The following OTUD7A variants were observed in gnomAD, a reference collection of about 807,000 sequenced individuals.
OTUD7A encodes OTU domain-containing protein 7A.
A neutral mutation model predicts 65.7 loss-of-function variants in OTUD7A; 12 were observed. The ratio of observed to expected loss-of-function variants is 0.18; its 90% confidence interval spans 0.12 to 0.30. OTUD7A has a LOEUF of 0.30. OTUD7A is among the 10% of genes least tolerant of loss of function. The pLI, the probability that OTUD7A is intolerant of heterozygous loss-of-function variation, is 1.00. For synonymous variants in OTUD7A, 641 were observed against 586.3 expected (o/e 1.09, Z -1.35); for missense variants, 1,148 against 1,304.8 (o/e 0.88, Z 1.85).
At chr15:31,560,883 C>T (rs1003155647) in intron 4 of OTUD7A, among the ~76,000 whole-genome samples, 1 of 152,210 alleles carries the variant, frequency 6.6e-6, no homozygotes, top group Non-Finnish European at 1.5e-5. Flanking sequence ...CAGCTTTCAC[C>T]CGGAACAGCA....
At chr15:31,501,006 T>C (rs2041458225) in intron 10 of OTUD7A, among the ~76,000 whole-genome samples, 1 of 152,288 alleles carries the variant, frequency 6.6e-6, no homozygotes, top group African/African-American at 2.4e-5. Flanking sequence ...AGACATTGAC[T>C]GGTGCCCTGG....
chr15:31,736,300 C>A (rs2141367476), intron 1 of OTUD7A, among the ~76,000 whole-genome samples: 1 of 152,088 alleles, frequency 6.6e-6, no homozygotes, highest in South Asian at 2.1e-4. Flanking sequence ...TAACTCCACC[C>A]CCCCAAAAAA....
At chr15:31,556,388 T>A (rs1888496126) in intron 5 of OTUD7A, 1 of 152,226 alleles carries the variant, frequency 6.6e-6, no homozygotes, top group Admixed American at 6.5e-5. Flanking sequence ...CTCTTCGTGG[T>A]GCCCAACATA....
chr15:31,482,499 A>G lies in OTUD7A; in HGVS notation c.*795T>C, dbSNP rs2041141042. On this transcript the variant is annotated 3_prime_UTR_variant, in exon 13 of 13. Transcript: ENST00000307050. ...TATCTGCTCCTCTATGAGCAAATCC[A>G]AATTGTGAGATGGGAACCCTGCTTT... 6.6e-6 allele frequency: 1 copy of G among 152,308 alleles called. No individual in the cohort carries two copies. Among genetic ancestry groups the G allele is most frequent in the South Asian group, 2.1e-4 (1 of 4,838 alleles). 9.4% of individuals were successfully genotyped at this position (152,308 alleles called of 1,614,324 possible).
chr15:31,742,187 C>G (rs191244671), intron 1 of OTUD7A, among the ~76,000 whole-genome samples: 16 of 151,986 alleles, frequency 1.1e-4, no homozygotes, highest in Non-Finnish European at 1.6e-4. Flanking sequence ...AGGGTACAAT[C>G]CTAAACTCAG....
intron 1 of OTUD7A, among the ~76,000 whole-genome samples, chr15:31,658,650 A>G (rs1291020510): frequency 6.6e-6 from 1 of 152,162 alleles, no homozygotes; most frequent in African/African-American, 2.4e-5. Context: ...TAGTGGAGGA[A>G]GTGGTCCAAC....
intron 1 of OTUD7A, among the ~76,000 whole-genome samples, chr15:31,688,551 T>C (rs574539687): frequency 1.3e-5 from 2 of 152,156 alleles, no homozygotes; most frequent in Non-Finnish European, 2.9e-5. Flanking sequence ...CTATGATGAA[T>C]ATTTGGGGGA....
chr15:31,748,174 T>G (rs1894530133), intron 1 of OTUD7A, among the ~76,000 whole-genome samples: 1 of 151,764 alleles, frequency 6.6e-6, no homozygotes, highest in African/African-American at 2.4e-5. Flanking sequence ...TAGAATTGTA[T>G]GTGTTAAATT....
Position 31,478,092 on chromosome 15 carries a change from G to A in OTUD7A, c.*5202C>T, listed in dbSNP as rs531141858. ...GACTAGAAACGGCAGGAAGGCCTAC[G>A]TCCCAGGGCAGAGCAGCAGGCAGAA... On this transcript the variant is annotated 3_prime_UTR_variant, in exon 13 of 13. Transcript: ENST00000307050. The A allele has an allele frequency of 1.3e-5, 2 of 152,350 alleles. No homozygotes were observed. Among genetic ancestry groups the A allele is most frequent in the Admixed American group, 6.5e-5 (1 of 15,296 alleles). The allele number at this position is 152,350 out of a possible 1,614,324, so 9.4% of individuals were successfully genotyped here. A position where few individuals can be genotyped will look rare whatever the true frequency, so the allele number is the denominator to read the frequency against.
chr15:31,613,848 T>C (rs972752892), intron 3 of OTUD7A, among the ~76,000 whole-genome samples: 1 of 152,202 alleles, frequency 6.6e-6, no homozygotes, highest in Non-Finnish European at 1.5e-5. Flanking sequence ...CATGCATGTT[T>C]GTGGCTGCAC....
Position 31,592,904 on chromosome 15 carries a change from AATATAT to A in OTUD7A, c.152-22713_152-22708del, listed in dbSNP as rs1226266359. Among the ~76,000 whole-genome samples, 432 of 59,294 alleles carry A rather than the reference AATATAT, an allele frequency of 7.3e-3. 19 individuals are homozygous for A. The highest frequency in any genetic ancestry group is 0.038 in the Middle Eastern group (2 of 52). The allele number at this position is 59,294 out of a possible 152,430, so 38.9% of individuals were successfully genotyped here. ...CAAAAAAAAAAAAAAAAAAAAAAAA[AATATAT>A]ATATATATATATATATATATATATA... On this transcript the variant is annotated intron_variant, in intron 3 of 12. Transcript: ENST00000307050.
intron 1 of OTUD7A, among the ~76,000 whole-genome samples, chr15:31,725,535 T>C (rs1893860932): frequency 6.6e-6 from 1 of 152,182 alleles, no homozygotes; most frequent in Non-Finnish European, 1.5e-5. Context: ...CCTTTGATAT[T>C]TGTGTAGCAA....
intron 3 of OTUD7A, among the ~76,000 whole-genome samples, chr15:31,602,761 G>C (rs1890118642): frequency 6.6e-6 from 1 of 152,038 alleles, no homozygotes; most frequent in East Asian, 1.9e-4. Context: ...CGAAATCTCG[G>C]GATACAAAAT....
Position 31,478,363 on chromosome 15 carries a change from T to C in OTUD7A, c.*4931A>G, listed in dbSNP as rs2041057520. ...AACAAATTATGTATATATATATCCT[T>C]GATATGCTCTTTGGGAGGAATAAAA... On this transcript the variant is annotated 3_prime_UTR_variant, in exon 13 of 13. Coordinates refer to ENST00000307050, the MANE Select transcript of OTUD7A (RefSeq NM_001382637.1). 2.6e-5 allele frequency: 4 copies of C among 151,756 alleles called. No individual in the cohort carries two copies. In the South Asian group the frequency reaches 8.4e-4, roughly 32 times the overall value. 9.4% of individuals were successfully genotyped at this position (151,756 alleles called of 1,614,324 possible).
chr15:31,679,126 G>T (rs1892656613), intron 1 of OTUD7A, among the ~76,000 whole-genome samples: 2 of 152,306 alleles, frequency 1.3e-5, no homozygotes, highest in African/African-American at 4.8e-5. Context: ...CATGGGGCCT[G>T]CAGCCCCTTT....
At chr15:31,678,419 C>T (rs1892640040) in intron 1 of OTUD7A, among the ~76,000 whole-genome samples, 1 of 152,302 alleles carries the variant, frequency 6.6e-6, no homozygotes, top group Admixed American at 6.5e-5. Context: ...GTCTCCAGGG[C>T]ATGTCAGAGG....
intron 7 of OTUD7A, 25 bp downstream of exon 7, chr15:31,527,156 T>C: frequency 6.2e-7 from 1 of 1,613,626 alleles, no homozygotes; most frequent in Non-Finnish European, 8.5e-7. Context: ...GGTCCCGGGC[T>C]CTGGCCATGC....
intron 1 of OTUD7A, among the ~76,000 whole-genome samples, chr15:31,780,980 G>A (rs1262745767): frequency 6.6e-6 from 1 of 152,190 alleles, no homozygotes; most frequent in Admixed American, 6.5e-5. Flanking sequence ...TTAGAAAGTG[G>A]GTTTATACAT....
chr15:31,796,745 T>C (rs1406010159), intron 1 of OTUD7A, among the ~76,000 whole-genome samples: 6 of 152,218 alleles, frequency 3.9e-5, no homozygotes, highest in Admixed American at 1.3e-4. Context: ...AACATTCCTC[T>C]TTTCTTTGAG....
Sources: allele counts gnomAD v4.1 joint callset (sites outside exome capture counted in the v4.1 genomes callset), GRCh38; gene constraint gnomAD v4.1.1; transcripts MANE v1.5; gene names NCBI Gene and HGNC (gene_info 2026-07-23, HGNC 2026-07-21).